The following TMEFF1 variants were observed in gnomAD, a reference collection of about 807,000 sequenced individuals.
TMEFF1 encodes the protein tomoregulin-1.
A neutral mutation model predicts 47.5 loss-of-function variants in TMEFF1; 20 were observed. The ratio of observed to expected loss-of-function variants is 0.42; its 90% CI spans 0.30 to 0.61. The LOEUF (loss-of-function observed/expected upper bound fraction) is 0.61, where lower values mean the gene tolerates loss of function less well. TMEFF1 is among the 20% of genes least tolerant of loss of function. The pLI is 0.19. For missense variants in TMEFF1, 411 were observed against 471.1 expected, an observed-to-expected ratio of 0.87 and a Z score of 1.18; for synonymous variants, 162 against 166.3, an observed-to-expected ratio of 0.97 and a Z score of 0.20.
chr9:100,513,571 A>G (rs974434379), intron 4 of TMEFF1, among the ~76,000 whole-genome samples: 1 of 152,064 alleles, frequency 6.6e-6, no homozygotes, highest in African/African-American at 2.4e-5. Flanking sequence ...TAACCTCAAA[A>G]AGAAACCATG....
At chr9:100,510,750 C>T (rs1307691676) in intron 3 of TMEFF1, among the ~76,000 whole-genome samples, 1 of 152,096 alleles carries the variant, frequency 6.6e-6, no homozygotes, top group Non-Finnish European at 1.5e-5. Context: ...GCTGGGATTA[C>T]AGGTGTGAGC....
At chr9:100,493,331 C>G (rs1364259251) in intron 1 of TMEFF1, among the ~76,000 whole-genome samples, 1 of 152,154 alleles carries the variant, frequency 6.6e-6, no homozygotes, top group Non-Finnish European at 1.5e-5. Flanking sequence ...TGTTAGCTAA[C>G]TCATAAGATC....
intron 8 of TMEFF1, among the ~76,000 whole-genome samples, chr9:100,566,902 A>G (rs1231997579): frequency 6.6e-6 from 1 of 152,004 alleles, no homozygotes; most frequent in Non-Finnish European, 1.5e-5. Flanking sequence ...ATAGGGTTTC[A>G]GCACGTTGGC....
intron 7 of TMEFF1, among the ~76,000 whole-genome samples, chr9:100,559,531 T>C (rs1273246438): frequency 6.6e-6 from 1 of 152,200 alleles, no homozygotes; most frequent in East Asian, 1.9e-4. Flanking sequence ...TTTTAAAAAG[T>C]AAAAATATCT....
chr9:100,576,637 T>C lies in TMEFF1; in HGVS notation c.*37T>C, dbSNP rs1413906973. 2 of 1,559,778 alleles carry C rather than the reference T, an allele frequency of 1.3e-6. No homozygotes were observed. Among genetic ancestry groups the C allele is most frequent in the African/African-American group, 1.4e-5 (1 of 72,082 alleles). On this transcript the variant is annotated 3_prime_UTR_variant, in exon 10 of 10. Transcript: ENST00000374879. ...TTATATGTACACTGACCATGTGATG[T>C]ACATTTATTATGTCTTTTTTTAAAG...
chr9:100,510,964 C>G (rs1483932007), intron 3 of TMEFF1, among the ~76,000 whole-genome samples: 1 of 152,132 alleles, frequency 6.6e-6, no homozygotes, highest in Non-Finnish European at 1.5e-5. Flanking sequence ...ACACTAAGTT[C>G]CAGTGTGGTC....
chr9:100,526,104 C>T (rs1397485892), intron 5 of TMEFF1, among the ~76,000 whole-genome samples: 1 of 152,162 alleles, frequency 6.6e-6, no homozygotes, highest in Non-Finnish European at 1.5e-5. Flanking sequence ...TTTGCAAGTG[C>T]ATAATTCGAG....
chr9:100,498,683 A>G (rs1837702693), intron 1 of TMEFF1, 82 bp from the exon 2 acceptor site: 6 of 1,302,292 alleles, frequency 4.6e-6, no homozygotes, highest in African/African-American at 3.0e-5. Flanking sequence ...GGACTTTTTC[A>G]TACACACACA....
At chr9:100,490,916 A>G (rs1837542122) in intron 1 of TMEFF1, among the ~76,000 whole-genome samples, 1 of 150,698 alleles carries the variant, frequency 6.6e-6, no homozygotes, top group Admixed American at 6.7e-5. Context: ...GAGTTTCACT[A>G]TATTGTCCCG....
At chr9:100,476,299 T>C (rs945901643) in intron 1 of TMEFF1, among the ~76,000 whole-genome samples, 11 of 152,214 alleles carry the variant, frequency 7.2e-5, no homozygotes, top group African/African-American at 2.7e-4. Flanking sequence ...TAATACAGTC[T>C]GGACACACAC....
rs749453457 is a variant in TMEFF1 at position 100,547,833 on chromosome 9, G to A, written c.650G>A (p.Arg217Gln). 5 of 1,610,480 alleles carry A rather than the reference G, an allele frequency of 3.1e-6. No homozygotes were observed. Among genetic ancestry groups the A allele is most frequent in the Non-Finnish European group, 4.2e-6 (5 of 1,178,916 alleles). The change falls in exon 6 of 10, where the codon CGA becomes CAA. Residue 217 changes from arginine to glutamine, a missense_variant. Transcript: ENST00000374879. ...TCCTATAACAATCCCTGTTTTGTTC[G>A]AGAAGCATCTTGTATAAAGCAAGAA... ...GSSYNNPCFV[R>Q]EASCIKQEQI...
At chr9:100,520,903 AG>A (rs1445587079) in intron 5 of TMEFF1, among the ~76,000 whole-genome samples, 1 of 152,200 alleles carries the variant, frequency 6.6e-6, no homozygotes, top group Admixed American at 6.5e-5. Flanking sequence ...GCTGCACTTA[AG>A]GCTTCATTTA....
chr9:100,498,656 G>A lies in TMEFF1; in HGVS notation c.197-109G>A, dbSNP rs1481295929. The A allele has an allele frequency of 1.2e-5, 11 of 895,722 alleles. No individual in the cohort carries two copies. In the South Asian group the frequency reaches 1.8e-4, roughly 15 times the overall value. 55.5% of individuals were successfully genotyped at this position (895,722 alleles called of 1,614,324 possible). A position where few individuals can be genotyped will look rare whatever the true frequency, so the allele number is the denominator to read the frequency against. On this transcript the variant is annotated intron_variant, in intron 1 of 9. Coordinates refer to ENST00000374879, the MANE Select transcript of TMEFF1 (RefSeq NM_003692.5). ...GTCTTATTACACTTCTGAATGGGGG[G>A]GCTCAATACATTTTAAGGACTTTTT...
At position 100,478,455 on chromosome 9, in the gene TMEFF1, A is replaced by G. The variant is rs189156758; in HGVS notation, c.196+4715A>G. Among the ~76,000 whole-genome samples, 243 of 152,282 alleles carry G rather than the reference A, an allele frequency of 1.6e-3. 2 individuals are homozygous for G. Among genetic ancestry groups the G allele is most frequent in the Admixed American group, 0.014 (208 of 15,304 alleles). ...CAGCCTCCTCAGTAGTTCAGACTACAGGTGCGTGCCACCACACTCGGCTAA... is the reference window on the plus strand; with the variant it reads ...CAGCCTCCTCAGTAGTTCAGACTACGGGTGCGTGCCACCACACTCGGCTAA... On this transcript the variant is annotated intron_variant, in intron 1 of 9. Transcript: ENST00000374879.
chr9:100,540,222 G>C (rs1217176050), intron 5 of TMEFF1, among the ~76,000 whole-genome samples: 1 of 151,492 alleles, frequency 6.6e-6, no homozygotes, highest in East Asian at 1.9e-4. Context: ...AGTTCTCCAA[G>C]TCCCCACCGG....
chr9:100,538,308 G>A (rs1564022203), intron 5 of TMEFF1, among the ~76,000 whole-genome samples: 1 of 152,128 alleles, frequency 6.6e-6, no homozygotes, highest in Non-Finnish European at 1.5e-5. Flanking sequence ...CACCCGCCTC[G>A]GCCTCCCAAA....
chr9:100,512,658 C>T (rs895721859), intron 3 of TMEFF1, among the ~76,000 whole-genome samples: 6 of 152,172 alleles, frequency 3.9e-5, no homozygotes, highest in African/African-American at 9.6e-5. Context: ...ATTAATTGTA[C>T]TTGAGACTGG....
At chr9:100,523,782 C>T (rs188932207) in intron 5 of TMEFF1, among the ~76,000 whole-genome samples, 172 of 152,200 alleles carry the variant, frequency 1.1e-3, no homozygotes, top group Admixed American at 5.0e-3. Context: ...TTCAGATGTG[C>T]ACAGTATTTG....
intron 8 of TMEFF1, among the ~76,000 whole-genome samples, chr9:100,564,175 A>T (rs1839076357): frequency 6.6e-6 from 1 of 152,184 alleles, no homozygotes; most frequent in Admixed American, 6.5e-5. Context: ...CCCAGGTTCA[A>T]GCGATTCTCT....
Sources: gnomAD v4.1 joint callset for allele counts (sites outside exome capture counted in the v4.1 genomes callset) on GRCh38, gnomAD v4.1.1 for gene constraint, MANE v1.5 for transcripts, NCBI Gene and HGNC (gene_info 2026-07-23, HGNC 2026-07-21) for gene names.